STK3: variants seen among roughly 807,000 people sequenced by gnomAD.
STK3 encodes the protein serine/threonine-protein kinase 3.
Under a neutral mutation model 58.0 loss-of-function variants are expected in STK3, and 41 were observed. The observed-to-expected ratio is 0.71, with a 90% CI of 0.55 to 0.92. The LOEUF (loss-of-function observed/expected upper bound fraction) is 0.92. Among genes scored for constraint, STK3 ranks in the 40% least tolerant of loss-of-function variants. The probability of loss-of-function intolerance (pLI) is 0.00; values close to 1 mark genes in which losing one functional copy is unlikely to be tolerated. For missense variants in STK3, 479 were observed against 602.7 expected (o/e 0.79, Z 2.15); for synonymous variants, 170 against 191.0 (o/e 0.89, Z 0.91).
At chr8:98,564,061 C>T (rs1812274177) in intron 8 of STK3, among the ~76,000 whole-genome samples, 2 of 152,066 alleles carry the variant, frequency 1.3e-5, no homozygotes, top group South Asian at 4.2e-4. Context: ...GTCATGTGAT[C>T]CTGGTTAACA....
chr8:98,364,820 G>A, the STK3 span, among the ~76,000 whole-genome samples: 2 of 152,182 alleles, frequency 1.3e-5, no homozygotes, highest in Non-Finnish European at 2.9e-5. Flanking sequence ...TTAGCAGTTG[G>A]GAGGAAAGAT....
intron 3 of STK3, among the ~76,000 whole-genome samples, chr8:98,851,335 C>T (rs1374225177): frequency 6.6e-6 from 1 of 152,120 alleles, no homozygotes; most frequent in Non-Finnish European, 1.5e-5. Context: ...TGCGGAAGTT[C>T]CTCGAGCCCA....
chr8:98,741,098 G>A (rs1416848333), intron 4 of STK3, among the ~76,000 whole-genome samples: 2 of 152,142 alleles, frequency 1.3e-5, no homozygotes, highest in Non-Finnish European at 2.9e-5. Flanking sequence ...CATAAAGCAA[G>A]TCCTGACTGA....
At chr8:98,346,960 A>G in the STK3 span, among the ~76,000 whole-genome samples, 3 of 151,836 alleles carry the variant, frequency 2.0e-5, no homozygotes, top group Non-Finnish European at 4.4e-5. Context: ...TTTAAGCAAA[A>G]ATAATAATAA....
intron 3 of STK3, among the ~76,000 whole-genome samples, chr8:98,395,548 T>C (rs751335957): frequency 5.9e-5 from 9 of 152,370 alleles, no homozygotes; most frequent in Middle Eastern, 3.4e-3. Flanking sequence ...ATGCAGTGAG[T>C]GAAATAGTCT....
At chr8:98,408,923 C>A (rs1181928856) in intron 3 of STK3, among the ~76,000 whole-genome samples, 3 of 152,184 alleles carry the variant, frequency 2.0e-5, no homozygotes, top group Non-Finnish European at 2.9e-5. Context: ...TGTCTCCTAC[C>A]ATGTGACCCA....
chr8:98,402,003 C>A (rs552796894), intron 3 of STK3, among the ~76,000 whole-genome samples: 2 of 152,246 alleles, frequency 1.3e-5, no homozygotes, highest in South Asian at 4.2e-4. Flanking sequence ...ACGGTGATAA[C>A]CACTATTAAT....
At chr8:98,450,227 T>C (rs1348633940), downstream of STK3, among the ~76,000 whole-genome samples, 1 of 152,206 alleles carries the variant, frequency 6.6e-6, no homozygotes, top group Non-Finnish European at 1.5e-5. Flanking sequence ...GGGTTCTAGG[T>C]GACTCTAATT....
chr8:98,511,038 A>G (rs1346266511), intron 10 of STK3, among the ~76,000 whole-genome samples: 1 of 152,084 alleles, frequency 6.6e-6, no homozygotes, highest in Non-Finnish European at 1.5e-5. Flanking sequence ...TAGAACATTA[A>G]ATATTAATTT....
chr8:98,630,210 C>A (rs1253687279), intron 6 of STK3, among the ~76,000 whole-genome samples: 1 of 152,184 alleles, frequency 6.6e-6, no homozygotes, highest in African/African-American at 2.4e-5. Flanking sequence ...CTGTATCAAT[C>A]TTTTCAATGG....
At chr8:98,709,561 C>T (rs1826233265) in intron 4 of STK3, among the ~76,000 whole-genome samples, 1 of 152,110 alleles carries the variant, frequency 6.6e-6, no homozygotes, top group Non-Finnish European at 1.5e-5. Context: ...ATATAGCACA[C>T]TCACTTCAAC....
intron 7 of STK3, among the ~76,000 whole-genome samples, chr8:98,583,636 CTT>C (rs1814139853): frequency 6.6e-6 from 1 of 152,110 alleles, no homozygotes; most frequent in Admixed American, 6.5e-5. Flanking sequence ...GGTAATGAAA[CTT>C]TTCAAGGTTA....
intron 1 of STK3, among the ~76,000 whole-genome samples, chr8:98,908,798 A>G (rs113951313): frequency 1.2e-3 from 187 of 149,740 alleles, no homozygotes; most frequent in African/African-American, 4.3e-3. Context: ...AGCCGAGATA[A>G]CACCATTGCA....
intron 1 of STK3, among the ~76,000 whole-genome samples, chr8:98,806,599 T>A (rs1361234670): frequency 6.6e-6 from 1 of 152,166 alleles, no homozygotes. Flanking sequence ...GTCCCTGTGT[T>A]AATGGAGCCT....
intron 6 of STK3, among the ~76,000 whole-genome samples, chr8:98,660,352 A>C (rs1445412133): frequency 6.6e-6 from 1 of 152,036 alleles, no homozygotes; most frequent in African/African-American, 2.4e-5. Flanking sequence ...CTGTACAACA[A>C]TCTGAATACA....
At chr8:98,593,812 A>C (rs961438018) in intron 7 of STK3, among the ~76,000 whole-genome samples, 1 of 152,116 alleles carries the variant, frequency 6.6e-6, no homozygotes, top group African/African-American at 2.4e-5. Context: ...AAGACATACA[A>C]AACTCCTTGA....
intron 6 of STK3, among the ~76,000 whole-genome samples, chr8:98,613,738 T>A (rs1365979953): frequency 6.6e-6 from 1 of 151,922 alleles, no homozygotes; most frequent in Non-Finnish European, 1.5e-5. Context: ...AATATGCCAA[T>A]TAAAAGGCAA....
chr8:98,656,995 C>G (rs916917451), intron 6 of STK3, among the ~76,000 whole-genome samples: 1 of 151,858 alleles, frequency 6.6e-6, no homozygotes, highest in Non-Finnish European at 1.5e-5. Context: ...CAGATGGATA[C>G]AAAATGACAA....
At chr8:98,775,260 C>G (rs1208633870) in intron 1 of STK3, among the ~76,000 whole-genome samples, 1 of 152,094 alleles carries the variant, frequency 6.6e-6, no homozygotes, top group Non-Finnish European at 1.5e-5. Flanking sequence ...CAACATGATA[C>G]CCACAATGGA....
Sources: gnomAD v4.1 joint callset for allele counts (sites outside exome capture counted in the v4.1 genomes callset) on GRCh38, gnomAD v4.1.1 for gene constraint, MANE v1.5 for transcripts, NCBI Gene and HGNC (gene_info 2026-07-23, HGNC 2026-07-21) for gene names.